C1GALT1: variants seen among roughly 807,000 people sequenced by gnomAD.
C1GALT1 encodes core 1 synthase, glycoprotein-N-acetylgalactosamine 3-beta-galactosyltransferase 1, also known as glycoprotein-N-acetylgalactosamine 3-beta-galactosyltransferase 1.
In C1GALT1, 11 loss-of-function variants were observed where a neutral mutation model predicts 31.0. That is an observed-to-expected ratio of 0.36 (90% CI 0.22 to 0.59). The LOEUF (loss-of-function observed/expected upper bound fraction) is 0.59. Ranked by LOEUF, C1GALT1 falls within the 20% of genes least tolerant of loss-of-function variation. The pLI, the probability that C1GALT1 is intolerant of heterozygous loss-of-function variation, is 0.79. For missense variants in C1GALT1, 424 were observed against 425.2 expected, an observed-to-expected ratio of 1.00 and a Z score of 0.03; for synonymous variants, 175 against 143.6, an observed-to-expected ratio of 1.22 and a Z score of -1.56.
intron 1 of C1GALT1, among the ~76,000 whole-genome samples, chr7:7,188,315 G>T (rs182484197): frequency 7.0e-4 from 106 of 152,280 alleles, no homozygotes; most frequent in Admixed American, 1.5e-3. Context: ...ATGAGCAGAG[G>T]AAAGTAATGA....
rs556630377 is a variant in C1GALT1 at position 7,235,585 on chromosome 7, A to T, written c.220+1046A>T. On this transcript the variant is annotated intron_variant, in intron 2 of 3. Transcript: ENST00000436587. ...CAATTGGAGGCAGAGTTCCCTACTA[A>T]TAGTAAGCCGTACGAGGCCTCACTG... 2.0e-5 allele frequency among the ~76,000 whole-genome samples: 3 copies of T among 152,300 alleles called. No homozygotes were observed. The East Asian group carries it at 5.8e-4, about 29-fold the overall frequency.
rs566798809 is a variant in C1GALT1 at position 7,168,847 on chromosome 7, ATT to A, written c.-18+11423_-18+11424del. ...GTAATTTAAAAATATACACCGAATC[ATT>A]TCTTTTTTTATTATGATAACATATA... is the stretch of plus-strand genomic sequence containing the variant. On this transcript the variant is annotated intron_variant, in intron 2 of 3. Coordinates refer to the C1GALT1 transcript ENST00000429911. 1.5e-3 allele frequency among the ~76,000 whole-genome samples: 234 copies of A among 152,304 alleles called. 2 individuals carry two copies. The highest frequency in any genetic ancestry group is 0.01 in the Middle Eastern group (3 of 294).
rs1783847305 is a variant in C1GALT1 at position 7,246,424 on chromosome 7, A to C, written c.*2697A>C. 1.3e-5 allele frequency: 2 copies of C among 152,182 alleles called. No individual in the cohort carries two copies. Among genetic ancestry groups the C allele is most frequent in the South Asian group, 4.1e-4 (2 of 4,830 alleles). 9.4% of individuals were successfully genotyped at this position (152,182 alleles called of 1,614,324 possible). The stretch of plus-strand genomic sequence containing the variant: ...TTAACCCAGCCAAATTGTCACAGTG[A>C]TTCTTAAACTGTGGTTCTCACACTT... On this transcript the variant is annotated 3_prime_UTR_variant, in exon 4 of 4. Transcript: ENST00000436587.
chr7:7,170,839 T>C (rs779533099), intron 2 of C1GALT1, among the ~76,000 whole-genome samples: 1 of 152,192 alleles, frequency 6.6e-6, no homozygotes, highest in Non-Finnish European at 1.5e-5. Context: ...TTTTCATTAT[T>C]TTCTAGTTTT....
At chr7:7,229,145 A>G (rs11982566) in intron 1 of C1GALT1, among the ~76,000 whole-genome samples, 4,869 of 152,248 alleles carry the variant, frequency 0.032, 272 homozygotes, top group African/African-American at 0.11. Flanking sequence ...TGGCATTGTG[A>G]CTACTGCTTT....
At chr7:7,189,514 T>A (rs1483570210) in intron 1 of C1GALT1, among the ~76,000 whole-genome samples, 1 of 152,172 alleles carries the variant, frequency 6.6e-6, no homozygotes, top group East Asian at 1.9e-4. Flanking sequence ...GTGAGTGAAA[T>A]TTGAACATCG....
Position 7,207,335 on chromosome 7 carries a change from C to CTTTTTTTTTTTTTTTT in C1GALT1, c.-18+24530_-18+24545dup, listed in dbSNP as rs57510429. On this transcript the variant is annotated intron_variant, in intron 1 of 3. Transcript: ENST00000436587. ...TCTCTGTGTTTCTCTTACTCTGTTG[C>CTTTTTTTTTTTTTTTT]TTTTTTTTTTTTTTTTTTTTTTTTT... Among the ~76,000 whole-genome samples, 93 of 48,006 alleles carry CTTTTTTTTTTTTTTTT rather than the reference C, an allele frequency of 1.9e-3. 30 individuals carry two copies. Among genetic ancestry groups the CTTTTTTTTTTTTTTTT allele is most frequent in the Middle Eastern group, 0.04 (2 of 50 alleles). The allele number at this position is 48,006 out of a possible 152,430, so 31.5% of individuals were successfully genotyped here. A position where few individuals can be genotyped will look rare whatever the true frequency, so the allele number is the denominator to read the frequency against.
intron 1 of C1GALT1, among the ~76,000 whole-genome samples, chr7:7,189,565 G>A (rs979415980): frequency 6.6e-6 from 1 of 150,392 alleles, no homozygotes. Flanking sequence ...TTCTTTATCT[G>A]TTTTTGTATT....
intron 2 of C1GALT1, among the ~76,000 whole-genome samples, chr7:7,173,489 G>GT (rs1225604551): frequency 6.6e-6 from 1 of 152,108 alleles, no homozygotes; most frequent in African/African-American, 2.4e-5. Flanking sequence ...TCAACCATGT[G>GT]TTTTTTTGGC....
chr7:7,168,800 T>G (rs1780423937), intron 2 of C1GALT1, among the ~76,000 whole-genome samples: 1 of 152,230 alleles, frequency 6.6e-6, no homozygotes, highest in African/African-American at 2.4e-5. Flanking sequence ...GCCAACATTA[T>G]TCCTGTCTTC....
chr7:7,233,493 A>T (rs1314357169), intron 1 of C1GALT1, among the ~76,000 whole-genome samples: 1 of 152,140 alleles, frequency 6.6e-6, no homozygotes, highest in Non-Finnish European at 1.5e-5. Flanking sequence ...GGCTGGTCTC[A>T]AGCTCCTGAC....
At chr7:7,216,589 GC>G (rs1782255590) in intron 1 of C1GALT1, among the ~76,000 whole-genome samples, 1 of 150,548 alleles carries the variant, frequency 6.6e-6, no homozygotes, top group Non-Finnish European at 1.5e-5. Flanking sequence ...TGCTATTACG[GC>G]CCATGCTATA....
At chr7:7,169,693 T>C (rs533162426) in intron 2 of C1GALT1, among the ~76,000 whole-genome samples, 1 of 152,240 alleles carries the variant, frequency 6.6e-6, no homozygotes. Context: ...GAAGTGTCTA[T>C]GCAAGTCTTT....
intron 1 of C1GALT1, among the ~76,000 whole-genome samples, chr7:7,200,160 T>G (rs888117493): frequency 6.6e-6 from 1 of 152,214 alleles, no homozygotes; most frequent in Non-Finnish European, 1.5e-5. Flanking sequence ...ATTTGTCATG[T>G]TTTTGCAGTG....
At chr7:7,179,224 TCCCC>T (rs1206150361), upstream of C1GALT1, among the ~76,000 whole-genome samples, 77 of 152,312 alleles carry the variant, frequency 5.1e-4, no homozygotes, top group Non-Finnish European at 9.6e-4. Context: ...TTTTATAGTC[TCCCC>T]TCAGAAGTCA....
intron 1 of C1GALT1, among the ~76,000 whole-genome samples, chr7:7,213,835 C>G (rs965293203): frequency 1.3e-5 from 2 of 152,154 alleles, no homozygotes; most frequent in African/African-American, 4.8e-5. Context: ...CCTTAAGACC[C>G]TCTTGCTATG....
chr7:7,172,214 T>C (rs1444632583), intron 2 of C1GALT1, among the ~76,000 whole-genome samples: 2 of 152,348 alleles, frequency 1.3e-5, no homozygotes, highest in Middle Eastern at 3.4e-3. Flanking sequence ...TTTTGCTAGA[T>C]ATAAAATTTC....
intron 1 of C1GALT1, among the ~76,000 whole-genome samples, chr7:7,204,846 C>T (rs1562572144): frequency 6.6e-6 from 1 of 152,072 alleles, no homozygotes; most frequent in Non-Finnish European, 1.5e-5. Context: ...TTTCCATTTT[C>T]CTTCTTTTAT....
intron 1 of C1GALT1, among the ~76,000 whole-genome samples, chr7:7,201,791 C>CGCTTCCCTACCTG (rs1273317306): frequency 1.3e-5 from 2 of 152,202 alleles, no homozygotes; most frequent in Non-Finnish European, 2.9e-5. Flanking sequence ...TCAGGTTTCA[C>CGCTTCCCTACCTG]GCTTCCCTAC....
Sources: gnomAD v4.1 joint callset for allele counts (sites outside exome capture counted in the v4.1 genomes callset) on GRCh38, gnomAD v4.1.1 for gene constraint, MANE v1.5 for transcripts, NCBI Gene and HGNC (gene_info 2026-07-23, HGNC 2026-07-21) for gene names.